CLYBL: variants seen among roughly 807,000 people sequenced by gnomAD.
The protein encoded by CLYBL is citramalyl-CoA lyase, mitochondrial.
Under a neutral mutation model 38.9 loss-of-function variants are expected in CLYBL, and 31 were observed. That is an observed-to-expected ratio of 0.80 (90% CI 0.60 to 1.08). The LOEUF (loss-of-function observed/expected upper bound fraction) is 1.08, where lower values mean the gene tolerates loss of function less well. CLYBL is among the 50% of genes least tolerant of loss of function. CLYBL has a pLI of 0.00. For synonymous variants in CLYBL, 171 were observed against 158.6 expected, an observed-to-expected ratio of 1.08 and a Z score of -0.59; for missense variants, 434 against 411.6, an observed-to-expected ratio of 1.05 and a Z score of -0.47.
At chr13:99,848,316 A>C (rs538150618) in intron 2 of CLYBL, among the ~76,000 whole-genome samples, 2 of 152,320 alleles carry the variant, frequency 1.3e-5, no homozygotes, top group Middle Eastern at 3.4e-3. Context: ...AAATTCCCAG[A>C]CTTCAACAGG....
intron 1 of CLYBL, among the ~76,000 whole-genome samples, chr13:99,757,437 C>T (rs2049083992): frequency 1.3e-5 from 2 of 151,988 alleles, no homozygotes; most frequent in African/African-American, 4.8e-5. Context: ...ATCACCTTGG[C>T]CACTTTTATT....
At chr13:99,747,036 A>G (rs1487941446) in intron 1 of CLYBL, among the ~76,000 whole-genome samples, 1 of 152,148 alleles carries the variant, frequency 6.6e-6, no homozygotes, top group Non-Finnish European at 1.5e-5. Context: ...GGCAGGAAAA[A>G]AAATCCCTCC....
chr13:99,737,536 C>T (rs888497936), intron 1 of CLYBL, among the ~76,000 whole-genome samples: 1 of 152,200 alleles, frequency 6.6e-6, no homozygotes, highest in African/African-American at 2.4e-5. Flanking sequence ...TTCCTTACCT[C>T]TCACCTCCTT....
chr13:99,743,850 C>T (rs545273435), intron 1 of CLYBL, among the ~76,000 whole-genome samples: 1 of 151,864 alleles, frequency 6.6e-6, no homozygotes, highest in African/African-American at 2.4e-5. Flanking sequence ...AAAATCCTAT[C>T]GCTTTCCTGC....
intron 1 of CLYBL, among the ~76,000 whole-genome samples, chr13:99,755,172 C>T (rs2049040150): frequency 6.6e-6 from 1 of 152,238 alleles, no homozygotes; most frequent in Non-Finnish European, 1.5e-5. Flanking sequence ...GCTGGGATTA[C>T]AGGCGTGAGC....
At chr13:99,711,078 G>A (rs1391899861) in intron 1 of CLYBL, among the ~76,000 whole-genome samples, 2 of 151,562 alleles carry the variant, frequency 1.3e-5, no homozygotes, top group African/African-American at 4.8e-5. Context: ...AGTAGAGAGG[G>A]GTTTTGCCAG....
At chr13:99,651,929 C>T (rs2047259490) in intron 1 of CLYBL, among the ~76,000 whole-genome samples, 1 of 77,038 alleles carries the variant, frequency 1.3e-5, no homozygotes, top group African/African-American at 1.1e-4. Flanking sequence ...AAGACTCCAT[C>T]TTGGGGGGAA....
chr13:99,828,896 T>C (rs535194120), intron 2 of CLYBL, among the ~76,000 whole-genome samples: 65 of 152,122 alleles, frequency 4.3e-4, no homozygotes, highest in Non-Finnish European at 8.5e-4. Context: ...GTACATATGC[T>C]GAATTAGAGA....
chr13:99,758,426 A>G, intron 1 of CLYBL, among the ~76,000 whole-genome samples: 1 of 152,224 alleles, frequency 6.6e-6, no homozygotes, highest in Admixed American at 6.5e-5. Flanking sequence ...TTTTTTGAAT[A>G]CAGTTACATA....
chr13:99,743,643 T>G (rs1451897487), intron 1 of CLYBL, among the ~76,000 whole-genome samples: 1 of 152,222 alleles, frequency 6.6e-6, no homozygotes, highest in Non-Finnish European at 1.5e-5. Flanking sequence ...CAGCTGTGAT[T>G]TGAAGAATGG....
intron 2 of CLYBL, among the ~76,000 whole-genome samples, chr13:99,842,948 T>TA (rs2051119369): frequency 6.6e-6 from 1 of 152,076 alleles, no homozygotes; most frequent in Admixed American, 6.6e-5. Flanking sequence ...CATTTTTTTT[T>TA]AACCTAACAT....
chr13:99,730,189 A>T (rs985586265), intron 1 of CLYBL, among the ~76,000 whole-genome samples: 5 of 152,124 alleles, frequency 3.3e-5, no homozygotes, highest in African/African-American at 1.2e-4. Flanking sequence ...CACCCAGGAC[A>T]CTCAGGAAAC....
intron 2 of CLYBL, among the ~76,000 whole-genome samples, chr13:99,820,568 A>G (rs1340284690): frequency 7.0e-6 from 1 of 143,042 alleles, no homozygotes; most frequent in Non-Finnish European, 1.5e-5. Flanking sequence ...CTCTGCAGGG[A>G]TCATTGTCAT....
intron 1 of CLYBL, among the ~76,000 whole-genome samples, chr13:99,653,578 G>A (rs76680196): frequency 0.053 from 8,035 of 152,166 alleles, 744 homozygotes; most frequent in African/African-American, 0.18. Context: ...ACTTAATTAC[G>A]TGCATCTGTT....
At chr13:99,748,525 C>T (rs1489079155) in intron 1 of CLYBL, among the ~76,000 whole-genome samples, 4 of 147,068 alleles carry the variant, frequency 2.7e-5, no homozygotes, top group Non-Finnish European at 4.5e-5. Context: ...CTGCAACCTC[C>T]GCCTCCCCGG....
intron 1 of CLYBL, among the ~76,000 whole-genome samples, chr13:99,697,819 A>G (rs1422505600): frequency 1.4e-5 from 2 of 142,978 alleles, no homozygotes; most frequent in Admixed American, 6.9e-5. Context: ...GCTAATTTTT[A>G]TATTTTTTGG....
chr13:99,789,461 T>C (rs1473582976), intron 2 of CLYBL, among the ~76,000 whole-genome samples: 3 of 152,228 alleles, frequency 2.0e-5, no homozygotes, highest in Admixed American at 2.0e-4. Flanking sequence ...ATGTACCCAG[T>C]AGTCATTTAG....
At chr13:99,867,319 C>T (rs373943154) in intron 6 of CLYBL, among the ~76,000 whole-genome samples, 1 of 152,080 alleles carries the variant, frequency 6.6e-6, no homozygotes, top group Non-Finnish European at 1.5e-5. Flanking sequence ...ATCTAGGTAG[C>T]GGTTACCGAA....
intron 1 of CLYBL, among the ~76,000 whole-genome samples, chr13:99,616,903 C>T (rs945821927): frequency 5.9e-5 from 9 of 151,990 alleles, no homozygotes; most frequent in African/African-American, 2.2e-4. Flanking sequence ...TTGCAGTGAG[C>T]CAAGATCATG....
Sources: gnomAD v4.1 joint callset for allele counts (sites outside exome capture counted in the v4.1 genomes callset) on GRCh38, gnomAD v4.1.1 for gene constraint, MANE v1.5 for transcripts, NCBI Gene and HGNC (gene_info 2026-07-23, HGNC 2026-07-21) for gene names.